The following MYRIP variants were observed in gnomAD, a reference collection of about 807,000 sequenced individuals.
The protein encoded by MYRIP is myosin VIIA and Rab interacting protein.
MYRIP carries 49 observed loss-of-function variants against 98.0 expected under a neutral mutation model. That is an observed-to-expected ratio of 0.50 (90% CI 0.40 to 0.63). The LOEUF is 0.63. MYRIP is among the 30% of genes least tolerant of loss of function. The probability of loss-of-function intolerance (pLI) is 0.00; values close to 1 mark genes in which losing one functional copy is unlikely to be tolerated. For synonymous variants in MYRIP, 404 were observed against 409.5 expected (o/e 0.99, Z 0.16); for missense variants, 1,004 against 1,058.2 (o/e 0.95, Z 0.71).
chr3:40,086,428 G>A (rs182421225), intron 3 of MYRIP, among the ~76,000 whole-genome samples: 3 of 152,330 alleles, frequency 2.0e-5, no homozygotes, highest in African/African-American at 7.2e-5. Context: ...GAAGACTGTG[G>A]TAGAGGGGTT....
chr3:40,180,276 G>GA (rs567622312), intron 8 of MYRIP, among the ~76,000 whole-genome samples: 28 of 149,678 alleles, frequency 1.9e-4, no homozygotes, highest in Middle Eastern at 3.4e-3. Flanking sequence ...TAAGAAATTG[G>GA]AAAAAAAAAA....
intron 2 of MYRIP, among the ~76,000 whole-genome samples, chr3:39,988,181 G>A (rs529561204): frequency 6.6e-6 from 1 of 152,126 alleles, no homozygotes; most frequent in East Asian, 1.9e-4. Context: ...AAGGGGGAAA[G>A]GATAGCATTA....
At chr3:39,850,774 A>G (rs1344438784) in intron 1 of MYRIP, among the ~76,000 whole-genome samples, 1 of 152,190 alleles carries the variant, frequency 6.6e-6, no homozygotes, top group African/African-American at 2.4e-5. Context: ...CAGCTCTTAT[A>G]TTGACACACT....
chr3:40,225,036 G>C (rs965576737), intron 11 of MYRIP, among the ~76,000 whole-genome samples: 19 of 152,278 alleles, frequency 1.2e-4, no homozygotes, highest in African/African-American at 4.6e-4. Context: ...AGGACATATG[G>C]AGTTTCTTTC....
intron 1 of MYRIP, among the ~76,000 whole-genome samples, chr3:39,836,478 G>A (rs1575288282): frequency 6.6e-6 from 1 of 152,294 alleles, no homozygotes; most frequent in East Asian, 1.9e-4. Flanking sequence ...GTTCCTTGTA[G>A]ATTTTTGATA....
intron 1 of MYRIP, among the ~76,000 whole-genome samples, chr3:39,835,189 T>A (rs1477536978): frequency 6.6e-6 from 1 of 152,190 alleles, no homozygotes; most frequent in Admixed American, 6.5e-5. Flanking sequence ...GTGAAGCTTA[T>A]CCATCTTAAG....
At chr3:40,142,047 A>ATT (rs768094065) in intron 3 of MYRIP, among the ~76,000 whole-genome samples, 6,607 of 95,778 alleles carry the variant, frequency 0.069, 637 homozygotes, top group African/African-American at 0.17. Flanking sequence ...TATGCTGTTG[A>ATT]TTTTTTTTTT....
At chr3:40,051,321 C>A (rs561186711) in intron 3 of MYRIP, among the ~76,000 whole-genome samples, 6 of 152,222 alleles carry the variant, frequency 3.9e-5, no homozygotes, top group African/African-American at 1.4e-4. Context: ...AGACCCTCAA[C>A]CAACAAACAG....
intron 3 of MYRIP, among the ~76,000 whole-genome samples, chr3:40,126,721 A>G (rs1318605948): frequency 1.3e-5 from 2 of 152,196 alleles, no homozygotes; most frequent in African/African-American, 2.4e-5. Flanking sequence ...TGCAAACTGT[A>G]TCATTGTACC....
chr3:40,243,025 C>A (rs1192830717), intron 12 of MYRIP, among the ~76,000 whole-genome samples: 1 of 152,148 alleles, frequency 6.6e-6, no homozygotes, highest in Non-Finnish European at 1.5e-5. Context: ...TTGTGAAGAT[C>A]TCTTAGAAAC....
intron 2 of MYRIP, among the ~76,000 whole-genome samples, chr3:39,976,962 G>T (rs577727065): frequency 6.6e-6 from 1 of 151,878 alleles, no homozygotes; most frequent in African/African-American, 2.4e-5. Flanking sequence ...CGAGTTAATG[G>T]GTGCAGGACA....
intron 3 of MYRIP, among the ~76,000 whole-genome samples, chr3:40,142,024 T>C (rs894789198): frequency 2.0e-5 from 3 of 151,808 alleles, no homozygotes; most frequent in African/African-American, 7.3e-5. Flanking sequence ...AACCTATAGA[T>C]TGCTCTGGGT....
chr3:39,952,469 A>G (rs577304165), intron 2 of MYRIP, among the ~76,000 whole-genome samples: 1 of 152,308 alleles, frequency 6.6e-6, no homozygotes, highest in South Asian at 2.1e-4. Context: ...CTAATACGGT[A>G]TATTACATTA....
chr3:40,158,442 T>A (rs1319677203), intron 4 of MYRIP, among the ~76,000 whole-genome samples: 1 of 152,090 alleles, frequency 6.6e-6, no homozygotes, highest in Non-Finnish European at 1.5e-5. Flanking sequence ...GGAATAGGTG[T>A]GGTGTGGTGC....
chr3:40,116,997 C>T (rs1949295171), intron 3 of MYRIP, among the ~76,000 whole-genome samples: 2 of 152,238 alleles, frequency 1.3e-5, no homozygotes, highest in South Asian at 2.1e-4. Flanking sequence ...TGTTCTTTCC[C>T]TCCTGTCTCC....
chr3:40,244,506 G>A lies in MYRIP; in HGVS notation c.2161G>A (p.Ala721Thr). The change falls in exon 13 of 17, where the codon GCC becomes ACC. Residue 721 changes from alanine to threonine, a missense_variant. Physicochemically the swap from Ala to Thr is moderately conservative, Grantham distance 58. Transcript: ENST00000302541. ...GACCCAGCTGACTGAGCTAGAAGAT[G>A]CCGCCCGCTGCATCCACAGTGGCAC... ...LETQLTELED[A>T]ARCIHSGTDE... 1 of 1,613,968 alleles carries A rather than the reference G, an allele frequency of 6.2e-7. No homozygotes were observed. Among genetic ancestry groups the A allele is most frequent in the Non-Finnish European group, 8.5e-7 (1 of 1,179,906 alleles).
At chr3:40,176,906 C>CT (rs1950776599) in intron 8 of MYRIP, among the ~76,000 whole-genome samples, 1 of 43,066 alleles carries the variant, frequency 2.3e-5, no homozygotes, top group Non-Finnish European at 6.8e-5. Flanking sequence ...CAAACTCCAT[C>CT]TCAAAAAAAA....
intron 2 of MYRIP, among the ~76,000 whole-genome samples, chr3:40,021,138 G>C (rs536233511): frequency 6.6e-6 from 1 of 152,288 alleles, no homozygotes; most frequent in Admixed American, 6.5e-5. Flanking sequence ...TCTGGTAAGG[G>C]AGATGTCACA....
At chr3:40,192,343 CATATATAT>C in intron 10 of MYRIP, among the ~76,000 whole-genome samples, 1 of 47,590 alleles carries the variant, frequency 2.1e-5, no homozygotes. Flanking sequence ...ATATATATGT[CATATATAT>C]ATTTATATTT....
Sources: allele counts gnomAD v4.1 joint callset (sites outside exome capture counted in the v4.1 genomes callset), GRCh38; gene constraint gnomAD v4.1.1; transcripts MANE v1.5; gene names NCBI Gene and HGNC (gene_info 2026-07-23, HGNC 2026-07-21).